The following PTPRN variants were observed in gnomAD, a reference collection of about 807,000 sequenced individuals.
PTPRN encodes protein tyrosine phosphatase receptor type N, also known as receptor-type tyrosine-protein phosphatase-like N.
In PTPRN, 70 loss-of-function variants were observed where a neutral mutation model predicts 108.5. The ratio of observed to expected loss-of-function variants is 0.65; its 90% CI spans 0.53 to 0.79. PTPRN has a LOEUF of 0.79. PTPRN is among the 30% of genes least tolerant of loss of function. The probability of loss-of-function intolerance (pLI) is 0.00; values close to 1 mark genes in which losing one functional copy is unlikely to be tolerated. For synonymous variants in PTPRN, 496 were observed against 524.6 expected (o/e 0.95, Z 0.75); for missense variants, 1,136 against 1,295.5 (o/e 0.88, Z 1.89).
rs1952386474 is a variant in PTPRN at position 219,302,705 on chromosome 2, G to A, written c.510C>T (p.Ser170=). The part of the protein sequence containing the change: ...PPVGKGGAGA[S]SSLSPLQAEL... ...CAGCCTGCAGAGGGGACAGAGAGGA[G>A]CTGGCCCCAGCTCCACCTTTGCCCA... Residue 170 remains serine (S), a synonymous_variant, in exon 5 of 23, where the codon AGC becomes AGT. Coordinates refer to ENST00000295718, the MANE Select transcript of PTPRN (RefSeq NM_002846.4). 2.5e-6 allele frequency: 4 copies of A among 1,613,220 alleles called. No homozygotes were observed. The highest frequency in any genetic ancestry group is 2.2e-5 in the South Asian group (2 of 91,044).
chr2:219,298,250 G>T, intron 12 of PTPRN, 147 bp from the exon 13 acceptor site: 1 of 737,964 alleles, frequency 1.4e-6, no homozygotes, highest in Non-Finnish European at 2.2e-6. Context: ...ACAGCCAGAT[G>T]GGCTCAGATT....
chr2:219,291,652 T>C (rs2125087908), intron 19 of PTPRN, 129 bp from the exon 20 acceptor site: 1 of 984,632 alleles, frequency 1.0e-6, no homozygotes, highest in Non-Finnish European at 1.5e-6. Flanking sequence ...GGGAAGATGG[T>C]TGGAGAAAGG....
chr2:219,308,006 G>T, intron 1 of PTPRN, 164 bp from the exon 2 acceptor site: 1 of 650,704 alleles, frequency 1.5e-6, no homozygotes, highest in African/African-American at 1.8e-5. Context: ...TTTCTTAAAA[G>T]GAAGCATGGG....
chr2:219,301,966 C>T (rs534695506), intron 6 of PTPRN, among the ~76,000 whole-genome samples, 171 bp downstream of exon 6: 2 of 152,302 alleles, frequency 1.3e-5, no homozygotes, highest in African/African-American at 4.8e-5. Flanking sequence ...AACTCCACTC[C>T]CCACCACTTC....
At position 219,296,891 on chromosome 2, in the gene PTPRN, A is replaced by C; in HGVS notation, c.2237-69T>G. ...TGGCATCGCGGGACCTCTGCCACTC[A>C]GCCTGAGCCAGAAGCCCAACCCCTT... On this transcript the variant is annotated intron_variant, in intron 15 of 22. Transcript: ENST00000295718. This position sits in a 1 kb window ranked among gnomAD's most constrained non-coding sequence, Gnocchi z 6.0. The C allele has an allele frequency of 6.2e-7, 1 of 1,612,844 alleles. No homozygotes were observed. Among genetic ancestry groups the C allele is most frequent in the South Asian group, 1.1e-5 (1 of 90,996 alleles).
Position 219,300,051 on chromosome 2 carries a change from G to A in PTPRN, c.1370C>T (p.Thr457Met), listed in dbSNP as rs776149302. 1.7e-5 allele frequency: 28 copies of A among 1,614,234 alleles called. No individual in the cohort carries two copies. In the South Asian group the frequency reaches 2.2e-4, roughly 13 times the overall value. ...KKSPLGQSQPTVAGQPSARPA... is the reference protein window; with the variant it reads ...KKSPLGQSQPMVAGQPSARPA... Reference sequence around the variant, plus strand: ...GCGGGCTGAGGGCTGTCCTGCCACCGTGGGCTGGCTCTGGCCCAGTGGGCT... The same window carrying A: ...GCGGGCTGAGGGCTGTCCTGCCACCATGGGCTGGCTCTGGCCCAGTGGGCT... Residue 457 changes from threonine (T) to methionine (M), a missense_variant, in exon 9 of 23, where the codon ACG becomes ATG. Coordinates refer to ENST00000295718, the MANE Select transcript of PTPRN (RefSeq NM_002846.4).
chr2:219,291,330 T>A, intron 20 of PTPRN, 140 bp downstream of exon 20: 4 of 891,794 alleles, frequency 4.5e-6, no homozygotes, highest in African/African-American at 1.6e-5. Context: ...CACGCTTAGG[T>A]CTTGGCCATT....
In PTPRN at chr2:219,299,369, G is replaced by A. The variant is rs1181173085; in HGVS notation, c.1539C>T (p.Ala513=). Residue 513 remains alanine (A), a synonymous_variant, in exon 11 of 23, where the codon GCC becomes GCT. Coordinates refer to ENST00000295718, the MANE Select transcript of PTPRN (RefSeq NM_002846.4). ...SFINISVVGP[A]LTFRIRHNEQ... ...CATTGTGCCGGATGCGGAAGGTGAG[G>A]GCTGGTCCCACCACACTGCCAGATA... 1.2e-6 allele frequency: 2 copies of A among 1,614,248 alleles called. No individual in the cohort carries two copies. The highest frequency in any genetic ancestry group is 1.7e-6 in the Non-Finnish European group (2 of 1,180,036).
chr2:219,298,114 A>G lies in PTPRN; in HGVS notation c.1669-11T>C, dbSNP rs1401689347. 1.2e-5 allele frequency: 19 copies of G among 1,609,776 alleles called. No individual in the cohort carries two copies. Among genetic ancestry groups the G allele is most frequent in the Non-Finnish European group, 1.5e-5 (18 of 1,179,448 alleles). On this transcript the variant is annotated splice_polypyrimidine_tract_variant and intron_variant, in intron 12 of 22. Coordinates refer to ENST00000295718, the MANE Select transcript of PTPRN (RefSeq NM_002846.4). ...AGCTGCCTCCTCCCTCTGTGGGAACAAGGCTAGAATCAAGGGAGGCAGTGG... is the reference window on the plus strand; with the variant it reads ...AGCTGCCTCCTCCCTCTGTGGGAACGAGGCTAGAATCAAGGGAGGCAGTGG...
chr2:219,299,353 G>A lies in PTPRN; in HGVS notation c.1555C>T (p.Arg519Trp), dbSNP rs140457149. The A allele has an allele frequency of 6.9e-5, 112 of 1,614,066 alleles. No individual in the cohort carries two copies. The highest frequency in any genetic ancestry group is 1.6e-4 in the Middle Eastern group (1 of 6,084). The stretch of plus-strand genomic sequence containing the variant: ...AAAGACAGGTTCTGCTCATTGTGCC[G>A]GATGCGGAAGGTGAGGGCTGGTCCC... Reference protein sequence around the residue: ...VVGPALTFRIRHNEQNLSLAD... With the variant: ...VVGPALTFRIWHNEQNLSLAD... Residue 519 changes from arginine (R) to tryptophan (W), a missense_variant, in exon 11 of 23, where the codon CGG becomes TGG. Physicochemically the swap from Arg to Trp is moderately radical, Grantham distance 101. Coordinates refer to ENST00000295718, the MANE Select transcript of PTPRN (RefSeq NM_002846.4).
chr2:219,298,819 T>A (rs992809411), intron 12 of PTPRN, among the ~76,000 whole-genome samples: 1 of 152,276 alleles, frequency 6.6e-6, no homozygotes, highest in Non-Finnish European at 1.5e-5. Context: ...CAACTAGTTC[T>A]CAGGCCTTTT....
chr2:219,295,985 C>A, intron 18 of PTPRN: 1 of 537,714 alleles, frequency 1.9e-6, no homozygotes, highest in Non-Finnish European at 3.2e-6. Flanking sequence ...GACACACACA[C>A]ACACACACAC....
Position 219,290,199 on chromosome 2 carries a change from G to A in PTPRN, c.*27C>T, listed in dbSNP as rs968160591. On this transcript the variant is annotated 3_prime_UTR_variant, in exon 23 of 23. Transcript: ENST00000295718. This position sits in a 1 kb window ranked among gnomAD's most constrained non-coding sequence, Gnocchi z 4.2. ...CACAGGCAAAGAGGGACAGAGGCTG[G>A]GCTGCCCGCCAAGGGGCCCCAGGGT... The A allele has an allele frequency of 6.3e-7, 1 of 1,597,550 alleles. No individual in the cohort carries two copies. The highest frequency in any genetic ancestry group is 8.6e-7 in the Non-Finnish European group (1 of 1,165,200).
intron 19 of PTPRN, 112 bp from the exon 20 acceptor site, chr2:219,291,635 G>T: frequency 9.0e-7 from 1 of 1,109,316 alleles, no homozygotes; most frequent in Non-Finnish European, 1.3e-6. Context: ...CCTGCCCGGG[G>T]CAGAGAGGGA....
In PTPRN at chr2:219,295,086, T is replaced by A. The variant is rs1200407867; in HGVS notation, c.2564A>T (p.Tyr855Phe). 8.1e-6 allele frequency: 13 copies of A among 1,613,450 alleles called. No homozygotes were observed. Among genetic ancestry groups the A allele is most frequent in the Non-Finnish European group, 1.0e-5 (12 of 1,179,608 alleles). The change falls in exon 19 of 23, where the codon TAC becomes TTC. Residue 855 changes from tyrosine (Y) to phenylalanine (F), a missense_variant. Tyr to Phe is a conservative substitution (Grantham distance 22). Coordinates refer to ENST00000295718, the MANE Select transcript of PTPRN (RefSeq NM_002846.4). ...WCEDFLVRSF[Y>F]LKNVQTQETR... is the part of the protein sequence containing the mutation. ...CTCCTGGGTCTGCACGTTCTTCAGG[T>A]AGAAGCTCCGCACCAGAAAGTCCTC...
Position 219,300,228 on chromosome 2 carries a change from G to A in PTPRN, c.1193C>T (p.Thr398Ile). 6.3e-7 allele frequency: 1 copy of A among 1,590,978 alleles called. No homozygotes were observed. Among genetic ancestry groups the A allele is most frequent in the Non-Finnish European group, 8.6e-7 (1 of 1,167,142 alleles). ...GGATGTGCGGGCTGGAAGCTCTGCT[G>A]TGTCTCTGCCCTCCACCGGCCCCTC... is the stretch of plus-strand genomic sequence containing the variant. ...TMEGPVEGRD[T>I]AELPARTSPM... The change falls in exon 9 of 23, where the codon ACA (threonine) becomes ATA (isoleucine). Residue 398 changes from threonine to isoleucine, a missense_variant. Physicochemically the swap from Thr to Ile is moderately conservative, Grantham distance 89. Transcript: ENST00000295718.
At position 219,307,791 on chromosome 2, in the gene PTPRN, C is replaced by G; in HGVS notation, c.166+1G>C. On this transcript the variant is annotated splice_donor_variant, in intron 2 of 22. Coordinates refer to ENST00000295718, the MANE Select transcript of PTPRN (RefSeq NM_002846.4). LOFTEE classifies it high-confidence loss of function. Reference sequence around the variant, plus strand: ...GAGTTCTATGCTTGGGCCTCACTCACCCTGAATACAGACTTCCAGGTGAGA... The same window carrying G: ...GAGTTCTATGCTTGGGCCTCACTCAGCCTGAATACAGACTTCCAGGTGAGA... 1.2e-6 allele frequency: 2 copies of G among 1,614,144 alleles called. No homozygotes were observed. The highest frequency in any genetic ancestry group is 1.7e-6 in the Non-Finnish European group (2 of 1,179,974).
rs574765067 is a variant in PTPRN, at chr2:219,302,669, C to T, written c.546G>A (p.Pro182=). 5.6e-5 allele frequency: 91 copies of T among 1,613,436 alleles called. No individual in the cohort carries two copies. The East Asian group carries it at 1.5e-3, about 27-fold the overall frequency. The part of the protein sequence containing the change: ...SLSPLQAELL[P]PLLEHLLLPP... ...GCAGCAGCAGGTGCTCCAAGAGAGG[C>T]GGGAGCAGCTCAGCCTGCAGAGGGG... The change falls in exon 5 of 23, where the codon CCG becomes CCA. Residue 182 remains proline (P), a synonymous_variant. Transcript: ENST00000295718.
rs761183499 is a variant in PTPRN, at chr2:219,297,954, C to T, written c.1818G>A (p.Gln606=). The part of the protein sequence containing the change: ...VALCVRQHAR[Q]QDKERLAALG... ...GGGCTGCCAGGCGCTCCTTGTCTTGCTGCCGCGCATGCTGCCGCACACACA... is the reference window on the plus strand; with the variant it reads ...GGGCTGCCAGGCGCTCCTTGTCTTGTTGCCGCGCATGCTGCCGCACACACA... Residue 606 remains glutamine (Q), a synonymous_variant, in exon 13 of 23, where the codon CAG becomes CAA. Transcript: ENST00000295718. The surrounding 1 kb of genome is among the most constrained non-coding windows in gnomAD (Gnocchi z 6.0). The T allele has an allele frequency of 8.1e-6, 13 of 1,613,570 alleles. No individual in the cohort carries two copies. Among genetic ancestry groups the T allele is most frequent in the African/African-American group, 2.7e-5 (2 of 74,922 alleles).
Sources: allele counts gnomAD v4.1 joint callset (sites outside exome capture counted in the v4.1 genomes callset), GRCh38; gene constraint gnomAD v4.1.1; non-coding constraint Gnocchi (gnomAD v3.1); transcripts MANE v1.5; gene names NCBI Gene and HGNC (gene_info 2026-07-23, HGNC 2026-07-21).